The following PRKCE variants were observed in gnomAD, a reference collection of about 807,000 sequenced individuals.
PRKCE encodes the protein protein kinase C epsilon, also known as protein kinase C epsilon type.
A neutral mutation model predicts 85.4 loss-of-function variants in PRKCE; 16 were observed. The ratio of observed to expected loss-of-function variants is 0.19; its 90% CI spans 0.13 to 0.28. PRKCE has a LOEUF of 0.28. Among genes scored for constraint, PRKCE ranks in the 10% least tolerant of loss-of-function variants. The pLI, the probability that PRKCE is intolerant of heterozygous loss-of-function variation, is 1.00. For synonymous variants in PRKCE, 388 were observed against 371.5 expected, an observed-to-expected ratio of 1.04 and a Z score of -0.51; for missense variants, 573 against 975.2, an observed-to-expected ratio of 0.59 and a Z score of 5.49.
At chr2:45,804,414 G>A (rs527918025) in intron 1 of PRKCE, among the ~76,000 whole-genome samples, 4 of 152,336 alleles carry the variant, frequency 2.6e-5, no homozygotes, top group African/African-American at 9.6e-5. Flanking sequence ...GAGTCGAGGT[G>A]GCCGCAGGTT....
chr2:46,037,614 T>C (rs1020134650), intron 10 of PRKCE, among the ~76,000 whole-genome samples: 3 of 152,214 alleles, frequency 2.0e-5, no homozygotes, highest in African/African-American at 7.2e-5. Context: ...CAAGCCATTA[T>C]CCAGCCTACC....
intron 2 of PRKCE, among the ~76,000 whole-genome samples, chr2:45,968,624 T>G (rs758499575): frequency 6.6e-6 from 1 of 152,210 alleles, no homozygotes; most frequent in Non-Finnish European, 1.5e-5. Context: ...GCAAAGCTAT[T>G]GAAATAAAAA....
chr2:46,171,731 A>C (rs900824406), intron 14 of PRKCE, among the ~76,000 whole-genome samples: 5 of 152,164 alleles, frequency 3.3e-5, no homozygotes, highest in African/African-American at 9.7e-5. Flanking sequence ...GCATCAAAGC[A>C]CTGGCAAAGT....
chr2:45,817,744 C>G (rs1382256722), intron 1 of PRKCE, among the ~76,000 whole-genome samples: 5 of 152,184 alleles, frequency 3.3e-5, no homozygotes, highest in African/African-American at 1.2e-4. Context: ...GACACCGAGG[C>G]TTTGCTAGGT....
intron 11 of PRKCE, among the ~76,000 whole-genome samples, chr2:46,087,163 T>C (rs199779193): frequency 0.18 from 26,559 of 151,652 alleles, 2,988 homozygotes; most frequent in East Asian, 0.51. Context: ...CTATTCTTTT[T>C]TTTTTTTTAA....
intron 1 of PRKCE, among the ~76,000 whole-genome samples, chr2:45,703,983 G>A (rs1176403716): frequency 1.3e-5 from 2 of 152,186 alleles, no homozygotes; most frequent in African/African-American, 4.8e-5. Flanking sequence ...CCTGGGTTAG[G>A]AGGCATTATT....
intron 14 of PRKCE, among the ~76,000 whole-genome samples, chr2:46,179,674 G>A (rs1009162922): frequency 1.3e-5 from 2 of 152,180 alleles, no homozygotes; most frequent in African/African-American, 4.8e-5. Context: ...GGTCGAACCT[G>A]TTTGTTTCTA....
chr2:45,841,333 G>T (rs771630684), intron 1 of PRKCE, among the ~76,000 whole-genome samples: 10 of 152,238 alleles, frequency 6.6e-5, no homozygotes, highest in Admixed American at 2.0e-4. Context: ...AAAGCCGACA[G>T]GGCAGCCTTC....
At chr2:45,891,548 AGGACTGTGTGATCAAGGTG>A (rs1443413949) in intron 2 of PRKCE, among the ~76,000 whole-genome samples, 1 of 152,184 alleles carries the variant, frequency 6.6e-6, no homozygotes, top group Non-Finnish European at 1.5e-5. Flanking sequence ...AGTCCCAGGT[AGGACTGTGTGATCAAGGTG>A]GGCCACACAC....
intron 9 of PRKCE, 55 bp downstream of exon 9, chr2:46,007,716 T>G: frequency 6.5e-7 from 1 of 1,539,750 alleles, no homozygotes; most frequent in East Asian, 2.3e-5. Context: ...TTAGCATTGT[T>G]TCGTCTGTTT....
chr2:46,145,499 A>G lies in PRKCE; in HGVS notation c.1731+268A>G, dbSNP rs1224949724. Among the ~76,000 whole-genome samples the G allele has an allele frequency of 6.6e-6, 1 of 152,240 alleles. No homozygotes were observed. The highest frequency in any genetic ancestry group is 1.5e-5 in the Non-Finnish European group (1 of 68,052). On this transcript the variant is annotated intron_variant, in intron 12 of 14. Transcript: ENST00000306156. This position sits in a 1 kb window ranked among gnomAD's most constrained non-coding sequence, Gnocchi z 4.6. ...AGTTCACACTGAACATCTCTTTCCCATCCTAGTCCAGAACCACCAATAAAT... is the reference window on the plus strand; with the variant it reads ...AGTTCACACTGAACATCTCTTTCCCGTCCTAGTCCAGAACCACCAATAAAT...
intron 2 of PRKCE, among the ~76,000 whole-genome samples, chr2:45,936,535 G>A (rs946840581): frequency 6.6e-6 from 1 of 152,100 alleles, no homozygotes; most frequent in African/African-American, 2.4e-5. Context: ...CCAGCGGGAG[G>A]CCCGACATCC....
chr2:46,036,524 G>C lies in PRKCE; in HGVS notation c.1437+26007G>C, dbSNP rs569189858. 2.0e-5 allele frequency among the ~76,000 whole-genome samples: 3 copies of C among 152,200 alleles called. No homozygotes were observed. The East Asian group carries it at 5.8e-4, about 29-fold the overall frequency. ...AGGGTCACTAGAGCCCAGGAGGTGG[G>C]GACTGCAGTGAGCCATGATCGCGCC... On this transcript the variant is annotated intron_variant, in intron 10 of 14. Coordinates refer to ENST00000306156, the MANE Select transcript of PRKCE (RefSeq NM_005400.3).
In PRKCE at chr2:46,060,921, C is replaced by A. The variant is rs144179544; in HGVS notation, c.1438-25287C>A. On this transcript the variant is annotated intron_variant, in intron 10 of 14. Transcript: ENST00000306156. ...GGACCGCAGGCGCACGCCACCACAC[C>A]TGGCTCATTTTTGTAATTTTAGTAG... 1.8e-3 allele frequency among the ~76,000 whole-genome samples: 279 copies of A among 151,896 alleles called. 3 individuals are homozygous for A. Among genetic ancestry groups the A allele is most frequent in the African/African-American group, 6.2e-3 (255 of 41,448 alleles).
chr2:45,694,047 C>T (rs929875700), intron 1 of PRKCE, among the ~76,000 whole-genome samples: 2 of 151,460 alleles, frequency 1.3e-5, no homozygotes, highest in Non-Finnish European at 1.5e-5. Context: ...AATTTTTGAC[C>T]CGTGGACACA....
In PRKCE at chr2:45,980,319, C is replaced by A. The variant is rs1338273606; in HGVS notation, c.631C>A (p.Arg211=). 6.3e-7 allele frequency: 1 copy of A among 1,599,532 alleles called. No homozygotes were observed. Among genetic ancestry groups the A allele is most frequent in the African/African-American group, 1.3e-5 (1 of 74,898 alleles). ...CQVCTCVVHK[R]CHELIITKCA... ...AGTCTGCACCTGCGTGGTCCACAAG[C>A]GGTGCCACGAGCTCATAATCACAAA... is the stretch of plus-strand genomic sequence containing the variant. Residue 211 remains arginine, a synonymous_variant, in exon 5 of 15, where the codon CGG becomes AGG. Coordinates refer to ENST00000306156, the MANE Select transcript of PRKCE (RefSeq NM_005400.3).
intron 2 of PRKCE, among the ~76,000 whole-genome samples, chr2:45,879,952 A>G (rs887520212): frequency 1.3e-5 from 2 of 152,194 alleles, no homozygotes; most frequent in African/African-American, 4.8e-5. Flanking sequence ...GTGGTGTAGA[A>G]TACTAGAATT....
intron 1 of PRKCE, among the ~76,000 whole-genome samples, chr2:45,678,130 A>T (rs1676620386): frequency 6.6e-6 from 1 of 152,118 alleles, no homozygotes. Context: ...TGGTTTCTTG[A>T]GAGCTGGTTG....
chr2:46,056,713 A>G (rs955396779), intron 10 of PRKCE, among the ~76,000 whole-genome samples: 4 of 152,204 alleles, frequency 2.6e-5, no homozygotes, highest in Non-Finnish European at 4.4e-5. Context: ...TTTTGCCATC[A>G]TCATGTCATC....
Sources: gnomAD v4.1 joint callset for allele counts (sites outside exome capture counted in the v4.1 genomes callset) on GRCh38, gnomAD v4.1.1 for gene constraint, Gnocchi (gnomAD v3.1) non-coding constraint, MANE v1.5 for transcripts, NCBI Gene and HGNC (gene_info 2026-07-23, HGNC 2026-07-21) for gene names.